Variants in SLCO2B1 observed in about 807,000 individuals in gnomAD.
SLCO2B1 encodes the protein solute carrier organic anion transporter family member 2B1, also known as OATP-RP2.
In SLCO2B1, 41 loss-of-function variants were observed where a neutral mutation model predicts 67.3. The ratio of observed to expected loss-of-function variants is 0.61; its 90% confidence interval spans 0.47 to 0.79. SLCO2B1 has a LOEUF of 0.79. Among genes scored for constraint, SLCO2B1 ranks in the 30% least tolerant of loss-of-function variants. SLCO2B1 has a pLI of 0.00. For missense variants in SLCO2B1, 837 were observed against 920.1 expected (o/e 0.91, Z 1.17); for synonymous variants, 379 against 381.4 (o/e 0.99, Z 0.07).
At chr11:75,177,189 C>A (rs1004045501) in intron 7 of SLCO2B1, among the ~76,000 whole-genome samples, 1 of 152,150 alleles carries the variant, frequency 6.6e-6, no homozygotes, top group Admixed American at 6.5e-5. Context: ...CACACACACA[C>A]ACACACACAC....
intron 9 of SLCO2B1, among the ~76,000 whole-genome samples, chr11:75,194,197 C>A (rs1256535996): frequency 1.3e-5 from 2 of 152,228 alleles, no homozygotes; most frequent in African/African-American, 2.4e-5. Context: ...CCTGCCTCTG[C>A]CCTCCGGGAG....
At chr11:75,200,527 T>G in intron 11 of SLCO2B1, 140 bp downstream of exon 11, 1 of 778,238 alleles carries the variant, frequency 1.3e-6, no homozygotes, top group Non-Finnish European at 1.9e-6. Context: ...TTAACTGTGT[T>G]CATCCCATGG....
intron 9 of SLCO2B1, among the ~76,000 whole-genome samples, chr11:75,194,708 C>T (rs1023415514): frequency 5.9e-5 from 9 of 152,308 alleles, no homozygotes; most frequent in African/African-American, 2.2e-4. Context: ...GAGGAGGGAG[C>T]CAGGTCCTCA....
intron 7 of SLCO2B1, among the ~76,000 whole-genome samples, chr11:75,173,529 G>A (rs1032169937): frequency 3.9e-5 from 6 of 152,164 alleles, no homozygotes; most frequent in Non-Finnish European, 7.4e-5. Flanking sequence ...AGTCACGACC[G>A]GTGTGATGCT....
chr11:75,189,955 C>T (rs2140334166), intron 8 of SLCO2B1, among the ~76,000 whole-genome samples: 1 of 144,562 alleles, frequency 6.9e-6, no homozygotes, highest in African/African-American at 2.7e-5. Context: ...GAGAGAAACC[C>T]TGTCTGGAAA....
intron 11 of SLCO2B1, chr11:75,201,922 T>C (rs1016147957): frequency 2.0e-5 from 3 of 152,130 alleles, no homozygotes; most frequent in Non-Finnish European, 4.4e-5. Flanking sequence ...GGGCTGAAAG[T>C]CCTAACCCTC....
intron 5 of SLCO2B1, 85 bp from the exon 6 acceptor site, chr11:75,169,581 T>C: frequency 7.8e-7 from 1 of 1,287,336 alleles, no homozygotes; most frequent in Non-Finnish European, 1.1e-6. Context: ...AGACAGAGTG[T>C]TCTTGCCCAT....
rs77393049 is a variant in SLCO2B1, at chr11:75,156,547, A to C, written c.16+5150A>C. 3.3e-3 allele frequency among the ~76,000 whole-genome samples: 508 copies of C among 152,194 alleles called. 2 individuals carry two copies. Among genetic ancestry groups the C allele is most frequent in the African/African-American group, 0.012 (492 of 41,526 alleles). ...CTGGAGGGAGGTGTCTGCCATTATC[A>C]TGAGGAATGGATTGCCCAGCATCTG... On this transcript the variant is annotated intron_variant, in intron 1 of 13. Transcript: ENST00000289575.
chr11:75,162,959 C>A, intron 2 of SLCO2B1, 174 bp downstream of exon 2: 2 of 721,890 alleles, frequency 2.8e-6, no homozygotes, highest in Non-Finnish European at 4.4e-6. Flanking sequence ...GGGTTTCGGG[C>A]ACATGGAAGG....
chr11:75,166,490 A>G (rs1188273560), intron 4 of SLCO2B1, among the ~76,000 whole-genome samples: 1 of 152,156 alleles, frequency 6.6e-6, no homozygotes, highest in Non-Finnish European at 1.5e-5. Context: ...TACTTGACAA[A>G]TGGATGTCTC....
chr11:75,200,705 T>C (rs950107455), intron 11 of SLCO2B1: 1 of 254,688 alleles, frequency 3.9e-6, no homozygotes. Flanking sequence ...AGGACATACC[T>C]AGGGCCCTGT....
chr11:75,200,245 T>C lies in SLCO2B1; in HGVS notation c.1621T>C (p.Cys541Arg), dbSNP rs1357259611. The change falls in exon 11 of 14, where the codon TGC (cysteine) becomes CGC (arginine). Residue 541 changes from cysteine to arginine, a missense_variant. Physicochemically the swap from Cys to Arg is radical, Grantham distance 180 (BLOSUM62 -3). Coordinates refer to ENST00000289575, the MANE Select transcript of SLCO2B1 (RefSeq NM_007256.5). Reference sequence around the variant, plus strand: ...CCAGGTTTTCTACACCAACTGCAGCTGCGTGGTGGAGGGCAACCCCGTGCT... The same window carrying C: ...CCAGGTTTTCTACACCAACTGCAGCCGCGTGGTGGAGGGCAACCCCGTGCT... ...NSQVFYTNCS[C>R]VVEGNPVLAG... The C allele has an allele frequency of 6.2e-7, 1 of 1,612,766 alleles. No individual in the cohort carries two copies. Among genetic ancestry groups the C allele is most frequent in the Non-Finnish European group, 8.5e-7 (1 of 1,179,192 alleles).
chr11:75,202,299 G>GA (rs1340623448), intron 11 of SLCO2B1: 1 of 152,474 alleles, frequency 6.6e-6, no homozygotes, highest in Non-Finnish European at 1.5e-5. Context: ...AAGGAGTTGA[G>GA]AACACAGCCT....
intron 12 of SLCO2B1, 100 bp from the exon 13 acceptor site, chr11:75,203,207 G>A: frequency 6.7e-7 from 1 of 1,500,600 alleles, no homozygotes; most frequent in South Asian, 1.3e-5. Context: ...ACAGCCAAGA[G>A]GCCCCAGTAA....
intron 3 of SLCO2B1, 144 bp from the exon 4 acceptor site, chr11:75,165,643 G>C: frequency 1.0e-6 from 1 of 963,560 alleles, no homozygotes; most frequent in Non-Finnish European, 1.6e-6. Flanking sequence ...CTTCCGAGGG[G>C]GACCCAGGAG....
At chr11:75,171,401 T>G (rs980381711) in intron 6 of SLCO2B1, among the ~76,000 whole-genome samples, 1 of 151,992 alleles carries the variant, frequency 6.6e-6, no homozygotes, top group African/African-American at 2.4e-5. Flanking sequence ...AGACTGCAGG[T>G]GTGCACCATC....
chr11:75,178,234 C>T (rs1391925498), intron 7 of SLCO2B1, among the ~76,000 whole-genome samples: 1 of 152,178 alleles, frequency 6.6e-6, no homozygotes, highest in Non-Finnish European at 1.5e-5. Context: ...CAGCCAGGCT[C>T]TGCTACTTAC....
Position 75,203,355 on chromosome 11 carries a change from G to C in SLCO2B1, c.1877G>C (p.Cys626Ser). The C allele has an allele frequency of 3.1e-6, 5 of 1,614,186 alleles. No homozygotes were observed. The highest frequency in any genetic ancestry group is 4.2e-6 in the Non-Finnish European group (5 of 1,180,028). The change falls in exon 13 of 14, where the codon TGT becomes TCT. Residue 626 changes from cysteine to serine, a missense_variant. Coordinates refer to ENST00000289575, the MANE Select transcript of SLCO2B1 (RefSeq NM_007256.5). ...VIHGSAIDTTCVHWALSCGRR... is the reference protein window; with the variant it reads ...VIHGSAIDTTSVHWALSCGRR... Reference sequence around the variant, plus strand: ...CACGGCAGCGCCATCGACACCACCTGTGTGCACTGGGCCCTGAGCTGTGGG... The same window carrying C: ...CACGGCAGCGCCATCGACACCACCTCTGTGCACTGGGCCCTGAGCTGTGGG...
At chr11:75,173,629 A>G (rs2140317501) in intron 7 of SLCO2B1, among the ~76,000 whole-genome samples, 1 of 152,154 alleles carries the variant, frequency 6.6e-6, no homozygotes, top group East Asian at 1.9e-4. Context: ...CAGTGGAGGG[A>G]TTTGCCCAGG....
Sources: allele counts gnomAD v4.1 joint callset (sites outside exome capture counted in the v4.1 genomes callset), GRCh38; gene constraint gnomAD v4.1.1; transcripts MANE v1.5; gene names NCBI Gene and HGNC (gene_info 2026-07-23, HGNC 2026-07-21).